Variants in ERCC6L2 observed in about 807,000 individuals in gnomAD.
ERCC6L2 encodes the protein ERCC excision repair 6 like 2.
A neutral mutation model predicts 132.0 loss-of-function variants in ERCC6L2; 77 were observed. That is an observed-to-expected ratio of 0.58 (90% CI 0.49 to 0.71). The LOEUF is 0.71. Ranked by LOEUF, ERCC6L2 falls within the 30% of genes least tolerant of loss-of-function variation. The pLI, the probability that ERCC6L2 is intolerant of heterozygous loss-of-function variation, is 0.00. For missense variants in ERCC6L2, 1,542 were observed against 1,837.6 expected (o/e 0.84, Z 2.94); for synonymous variants, 583 against 632.4 (o/e 0.92, Z 1.17).
chr9:95,961,617 A>G (rs1306434799), intron 13 of ERCC6L2, among the ~76,000 whole-genome samples: 1 of 152,208 alleles, frequency 6.6e-6, no homozygotes, highest in Non-Finnish European at 1.5e-5. Context: ...AAACTTCTGT[A>G]TGACAAAGGA....
intron 11 of ERCC6L2, among the ~76,000 whole-genome samples, chr9:95,930,732 C>A (rs1830297662): frequency 6.6e-6 from 1 of 152,030 alleles, no homozygotes; most frequent in Non-Finnish European, 1.5e-5. Flanking sequence ...GATCCCGTGT[C>A]TTCTTCTTTC....
intron 12 of ERCC6L2, among the ~76,000 whole-genome samples, chr9:95,954,455 G>A (rs1041016110): frequency 2.6e-5 from 4 of 152,100 alleles, no homozygotes; most frequent in Non-Finnish European, 4.4e-5. Flanking sequence ...CTGACAGCCG[G>A]AACTGAGAAC....
At chr9:95,933,869 T>G (rs549165887) in intron 11 of ERCC6L2, among the ~76,000 whole-genome samples, 18 of 148,780 alleles carry the variant, frequency 1.2e-4, no homozygotes, top group Admixed American at 9.3e-4. Flanking sequence ...AAAAAAGAAG[T>G]CTTGAGAGCA....
At chr9:95,966,199 C>A (rs1275248508) in intron 13 of ERCC6L2, among the ~76,000 whole-genome samples, 1 of 152,162 alleles carries the variant, frequency 6.6e-6, no homozygotes, top group Admixed American at 6.6e-5. Context: ...GTAATTACTT[C>A]TGCCAGTTTT....
chr9:95,954,316 C>G (rs757815203), intron 12 of ERCC6L2, among the ~76,000 whole-genome samples: 7 of 152,080 alleles, frequency 4.6e-5, no homozygotes, highest in African/African-American at 9.7e-5. Context: ...ATTAGGTCAT[C>G]GAGACATATT....
chr9:95,889,453 A>G (rs1193073032), intron 2 of ERCC6L2, among the ~76,000 whole-genome samples: 2 of 151,870 alleles, frequency 1.3e-5, no homozygotes, highest in African/African-American at 2.4e-5. Flanking sequence ...TAAAAAGAGT[A>G]TATCTGTCAA....
At chr9:96,009,761 G>A (rs1428958586) in intron 18 of ERCC6L2, among the ~76,000 whole-genome samples, 1 of 152,228 alleles carries the variant, frequency 6.6e-6, no homozygotes, top group Non-Finnish European at 1.5e-5. Flanking sequence ...TAAAGTGAAT[G>A]ATAATTATAG....
intron 17 of ERCC6L2, among the ~76,000 whole-genome samples, chr9:96,001,050 T>C (rs1254376641): frequency 2.0e-5 from 3 of 151,878 alleles, no homozygotes; most frequent in African/African-American, 7.3e-5. Flanking sequence ...ACCTTCGCGG[T>C]GAGTGTTACA....
intron 6 of ERCC6L2, among the ~76,000 whole-genome samples, chr9:95,918,979 C>G (rs1829732286): frequency 1.3e-5 from 2 of 152,082 alleles, no homozygotes; most frequent in South Asian, 4.1e-4. Context: ...AGCGATTATT[C>G]TGCCTCAGTC....
chr9:96,020,883 T>C (rs543849825), downstream of ERCC6L2: 166 of 456,628 alleles, frequency 3.6e-4, no homozygotes, highest in Non-Finnish European at 6.8e-4. Flanking sequence ...AGGTTCCTGG[T>C]TTGGGTTGGC....
chr9:95,918,454 C>A, intron 6 of ERCC6L2: 2 of 460,852 alleles, frequency 4.3e-6, no homozygotes, highest in South Asian at 1.6e-5. Flanking sequence ...ACCATTTATT[C>A]AGGTCCTGCA....
At chr9:95,925,009 A>G (rs951084583) in intron 9 of ERCC6L2, among the ~76,000 whole-genome samples, 2 of 152,222 alleles carry the variant, frequency 1.3e-5, no homozygotes, top group Admixed American at 1.3e-4. Flanking sequence ...GGCTTATCAT[A>G]GAATCATTGC....
At chr9:95,938,402 C>T (rs1014153791) in intron 11 of ERCC6L2, among the ~76,000 whole-genome samples, 1 of 152,018 alleles carries the variant, frequency 6.6e-6, no homozygotes, top group Non-Finnish European at 1.5e-5. Flanking sequence ...TGCCAATTTT[C>T]TCTCTAGGAG....
chr9:96,033,228 G>A (rs1834482080), intron 19 of ERCC6L2, among the ~76,000 whole-genome samples: 1 of 150,434 alleles, frequency 6.6e-6, no homozygotes, highest in Non-Finnish European at 1.5e-5. Flanking sequence ...AGGATTGCAG[G>A]AAACCATAAA....
At chr9:95,915,136 A>C (rs1341207368) in intron 4 of ERCC6L2, among the ~76,000 whole-genome samples, 1 of 152,232 alleles carries the variant, frequency 6.6e-6, no homozygotes, top group Non-Finnish European at 1.5e-5. Flanking sequence ...GTTTCCCCCA[A>C]CATATGCCTG....
chr9:95,964,306 A>G (rs376819052), intron 13 of ERCC6L2, among the ~76,000 whole-genome samples: 1 of 152,136 alleles, frequency 6.6e-6, no homozygotes. Flanking sequence ...TATTTGGCCA[A>G]TGGGAACCCA....
chr9:96,018,621 C>T (rs567573730), downstream of ERCC6L2, among the ~76,000 whole-genome samples: 10 of 140,490 alleles, frequency 7.1e-5, no homozygotes, highest in African/African-American at 1.1e-4. Flanking sequence ...CCACCCTGCC[C>T]GGCTAATTTT....
intron 9 of ERCC6L2, among the ~76,000 whole-genome samples, chr9:95,925,962 G>A (rs1188955477): frequency 6.6e-6 from 1 of 152,122 alleles, no homozygotes; most frequent in African/African-American, 2.4e-5. Context: ...AGATAATAGA[G>A]ATGGCAAATA....
rs1277977964 is a variant in ERCC6L2, at chr9:95,896,391, T to A, written c.472-1458T>A. Among the ~76,000 whole-genome samples, 3 of 149,954 alleles carry A rather than the reference T, an allele frequency of 2.0e-5. No homozygotes were observed. The East Asian group carries it at 6.0e-4, about 30-fold the overall frequency. On this transcript the variant is annotated intron_variant, in intron 2 of 18. Transcript: ENST00000653738. ...TTGTCTATTTGTTTTTTTGTTTGTT[T>A]GTTTGTTTGTTTTTTGATTTTTTTT... is the stretch of plus-strand genomic sequence containing the variant.
Sources: allele counts gnomAD v4.1 joint callset (sites outside exome capture counted in the v4.1 genomes callset), GRCh38; gene constraint gnomAD v4.1.1; transcripts MANE v1.5; gene names NCBI Gene and HGNC (gene_info 2026-07-23, HGNC 2026-07-21).